MRPL1: variants seen among roughly 807,000 people sequenced by gnomAD.
MRPL1 encodes large ribosomal subunit protein uL1m.
MRPL1 carries 28 observed loss-of-function variants against 38.0 expected under a neutral mutation model. That is an observed-to-expected ratio of 0.74 (90% CI 0.55 to 1.01). MRPL1 has a LOEUF of 1.01. MRPL1 is among the 50% of genes least tolerant of loss of function. The pLI, the probability that MRPL1 is intolerant of heterozygous loss-of-function variation, is 0.00. For missense variants in MRPL1, 358 were observed against 389.8 expected, an observed-to-expected ratio of 0.92 and a Z score of 0.69; for synonymous variants, 123 against 126.7, an observed-to-expected ratio of 0.97 and a Z score of 0.20.
At chr4:77,878,634 C>CT (rs1400287723) in intron 2 of MRPL1, among the ~76,000 whole-genome samples, 1 of 152,092 alleles carries the variant, frequency 6.6e-6, no homozygotes, top group Non-Finnish European at 1.5e-5. Context: ...AATCCTAGCA[C>CT]TTTGGGAGGC....
At chr4:77,924,541 TTC>T in intron 7 of MRPL1, among the ~76,000 whole-genome samples, 2 of 152,272 alleles carry the variant, frequency 1.3e-5, no homozygotes, top group Middle Eastern at 6.8e-3. Context: ...TTGAGACCCC[TTC>T]TCACAAAGCA....
At chr4:77,903,639 A>T (rs1736085055) in intron 6 of MRPL1, among the ~76,000 whole-genome samples, 1 of 152,228 alleles carries the variant, frequency 6.6e-6, no homozygotes, top group Non-Finnish European at 1.5e-5. Flanking sequence ...TTCTATATGT[A>T]ACCAACCTAC....
At chr4:77,876,093 C>T (rs1304915471) in intron 2 of MRPL1, among the ~76,000 whole-genome samples, 1 of 152,162 alleles carries the variant, frequency 6.6e-6, no homozygotes, top group African/African-American at 2.4e-5. Context: ...TTGCCTCAGC[C>T]TCCCAAGTAG....
chr4:77,915,419 T>C (rs1204570463), intron 7 of MRPL1, among the ~76,000 whole-genome samples: 1 of 152,158 alleles, frequency 6.6e-6, no homozygotes, highest in Non-Finnish European at 1.5e-5. Context: ...ATTAGTTTTT[T>C]TCGCTTCTCT....
intron 7 of MRPL1, among the ~76,000 whole-genome samples, chr4:77,913,737 C>T (rs1736344139): frequency 6.6e-6 from 1 of 152,066 alleles, no homozygotes; most frequent in South Asian, 2.1e-4. Context: ...GGAAAATTTC[C>T]AAATGTTCAC....
At chr4:77,931,371 T>G (rs1198306965) in intron 7 of MRPL1, among the ~76,000 whole-genome samples, 1 of 152,224 alleles carries the variant, frequency 6.6e-6, no homozygotes, top group Non-Finnish European at 1.5e-5. Flanking sequence ...TTGTGAACTT[T>G]TAGGAGAAGC....
chr4:77,894,337 C>T (rs2110240739), intron 6 of MRPL1, 87 bp downstream of exon 6: 1 of 794,862 alleles, frequency 1.3e-6, no homozygotes, highest in Non-Finnish European at 2.1e-6. Context: ...TTCATGTATG[C>T]GTAGAATAAA....
At chr4:77,914,476 A>G (rs1012577057) in intron 7 of MRPL1, among the ~76,000 whole-genome samples, 1 of 152,210 alleles carries the variant, frequency 6.6e-6, no homozygotes, top group African/African-American at 2.4e-5. Context: ...CCTCTATAAC[A>G]TTAATTAAAA....
chr4:77,949,944 GA>G (rs1737368649), intron 8 of MRPL1, 66 bp downstream of exon 8: 1 of 913,968 alleles, frequency 1.1e-6, no homozygotes. Flanking sequence ...AAAATATGAA[GA>G]AAAAAGTCAA....
At chr4:77,932,591 C>T (rs142787248) in intron 7 of MRPL1, among the ~76,000 whole-genome samples, 42 of 152,090 alleles carry the variant, frequency 2.8e-4, no homozygotes, top group East Asian at 1.2e-3. Flanking sequence ...GCAACCAAAA[C>T]GAGATTACAG....
At position 77,949,866 on chromosome 4, in the gene MRPL1, C is replaced by T; in HGVS notation, c.847C>T (p.Pro283Ser). The T allele has an allele frequency of 6.2e-7, 1 of 1,608,052 alleles. No homozygotes were observed. Among genetic ancestry groups the T allele is most frequent in the African/African-American group, 1.3e-5 (1 of 74,846 alleles). ...TATTAATGAAGTTTGTAGGCACAGA[C>T]CGCTGAATTTGGGTAAGTGGTTTGC... ...AVINEVCRHR[P>S]LNLGPFVVRA... Residue 283 changes from proline (P) to serine (S), a missense_variant, in exon 8 of 9, where the codon CCG becomes TCG. Pro to Ser is a moderately conservative substitution (Grantham distance 74). Transcript: ENST00000315567.
chr4:77,884,678 G>T (rs1332631395), intron 3 of MRPL1, among the ~76,000 whole-genome samples: 1 of 152,210 alleles, frequency 6.6e-6, no homozygotes, highest in African/African-American at 2.4e-5. Flanking sequence ...TTTGTCTTGG[G>T]TTTAGGGTTT....
At chr4:77,946,194 T>C (rs1208062490) in intron 7 of MRPL1, among the ~76,000 whole-genome samples, 1 of 152,146 alleles carries the variant, frequency 6.6e-6, no homozygotes, top group Non-Finnish European at 1.5e-5. Flanking sequence ...TTTAAAAGAA[T>C]TGAGCGATAT....
At position 77,911,736 on chromosome 4, in the gene MRPL1, C is replaced by T. The variant is rs374628451; in HGVS notation, c.777+2364C>T. ...CTGGATAAGGGGGAGTAACAGGGAC[C>T]TAATTTATCCTCCTACCTAAAACAG... On this transcript the variant is annotated intron_variant, in intron 7 of 8. Transcript: ENST00000315567. Among the ~76,000 whole-genome samples the T allele has an allele frequency of 4.6e-5, 7 of 152,194 alleles. No homozygotes were observed. The South Asian group carries it at 1.5e-3, about 32-fold the overall frequency.
intron 1 of MRPL1, among the ~76,000 whole-genome samples, chr4:77,865,226 A>G (rs1463155771): frequency 2.0e-5 from 3 of 152,150 alleles, no homozygotes; most frequent in Non-Finnish European, 4.4e-5. Context: ...TCAAATTTAT[A>G]TCTACAGTTG....
chr4:77,895,186 A>G (rs1048629983), intron 6 of MRPL1, among the ~76,000 whole-genome samples: 4 of 152,134 alleles, frequency 2.6e-5, no homozygotes, highest in Non-Finnish European at 5.9e-5. Flanking sequence ...TAGAGCTTTA[A>G]TCTGGCAAGA....
chr4:77,905,832 C>T (rs1736145669), intron 6 of MRPL1, among the ~76,000 whole-genome samples: 2 of 152,044 alleles, frequency 1.3e-5, no homozygotes, highest in Non-Finnish European at 2.9e-5. Flanking sequence ...TCTTCATTAC[C>T]ATTACATCAT....
At chr4:77,866,817 G>A (rs1168691464) in intron 1 of MRPL1, among the ~76,000 whole-genome samples, 1 of 150,174 alleles carries the variant, frequency 6.7e-6, no homozygotes, top group Non-Finnish European at 1.5e-5. Context: ...GCGCGATCTC[G>A]GCTCACTGCA....
chr4:77,905,858 C>G (rs1578049592), intron 6 of MRPL1, among the ~76,000 whole-genome samples: 1 of 152,156 alleles, frequency 6.6e-6, no homozygotes, highest in Admixed American at 6.5e-5. Flanking sequence ...TGATATCAGG[C>G]TCAAAATTAT....
Sources: gnomAD v4.1 joint callset for allele counts (sites outside exome capture counted in the v4.1 genomes callset) on GRCh38, gnomAD v4.1.1 for gene constraint, MANE v1.5 for transcripts, NCBI Gene and HGNC (gene_info 2026-07-23, HGNC 2026-07-21) for gene names.